PAXIP1: variants seen among roughly 807,000 people sequenced by gnomAD.
PAXIP1 encodes the protein PAX-interacting protein 1.
A neutral mutation model predicts 140.6 loss-of-function variants in PAXIP1; 19 were observed. The ratio of observed to expected loss-of-function variants is 0.14; its 90% CI spans 0.09 to 0.20. The LOEUF (loss-of-function observed/expected upper bound fraction) is 0.20. Among genes scored for constraint, PAXIP1 ranks in the 10% least tolerant of loss-of-function variants. The pLI, the probability that PAXIP1 is intolerant of heterozygous loss-of-function variation, is 1.00. For missense variants in PAXIP1, 920 were observed against 1,208.6 expected, an observed-to-expected ratio of 0.76 and a Z score of 3.54; for synonymous variants, 442 against 444.6, an observed-to-expected ratio of 0.99 and a Z score of 0.07.
At chr7:155,002,090 C>T (rs956476226) in intron 1 of PAXIP1, 1 of 152,240 alleles carries the variant, frequency 6.6e-6, no homozygotes. Flanking sequence ...AGATGCATTC[C>T]TACCACGGAC....
chr7:154,950,762 T>C (rs1180480729), intron 16 of PAXIP1: 1 of 152,106 alleles, frequency 6.6e-6, no homozygotes, highest in Non-Finnish European at 1.5e-5. Context: ...GCTGAACAGA[T>C]ACATTCTGAC....
intron 13 of PAXIP1, among the ~76,000 whole-genome samples, chr7:154,957,514 T>C (rs1218929721): frequency 6.6e-6 from 1 of 152,212 alleles, no homozygotes; most frequent in South Asian, 2.1e-4. Flanking sequence ...GTATCGTTTT[T>C]TTGTTCTTTT....
rs943288981 is a variant in PAXIP1, at chr7:154,956,047, G to C, written c.2550-416C>G. On this transcript the variant is annotated intron_variant, in intron 14 of 20. Transcript: ENST00000404141. The surrounding 1 kb of genome is among the most constrained non-coding windows in gnomAD (Gnocchi z 4.2). ...CCTTGTGTGACTCAGGCCATTCCTTGTTTGCACGTTCACCATCAATACAAG... is the reference window on the plus strand; with the variant it reads ...CCTTGTGTGACTCAGGCCATTCCTTCTTTGCACGTTCACCATCAATACAAG... Among the ~76,000 whole-genome samples the C allele has an allele frequency of 6.6e-6, 1 of 152,104 alleles. No homozygotes were observed. The highest frequency in any genetic ancestry group is 2.4e-5 in the African/African-American group (1 of 41,404).
intron 6 of PAXIP1, among the ~76,000 whole-genome samples, chr7:154,972,651 A>G (rs967408565): frequency 4.6e-5 from 7 of 152,244 alleles, no homozygotes; most frequent in African/African-American, 1.7e-4. Context: ...GTGAGAAAGT[A>G]GCCATTTCTC....
intron 9 of PAXIP1, 167 bp from the exon 10 acceptor site, chr7:154,962,625 G>C (rs1808804168): frequency 1.8e-6 from 1 of 543,768 alleles, no homozygotes; most frequent in African/African-American, 1.9e-5. Context: ...CGTGTAGCTG[G>C]TTACTTGAAA....
intron 2 of PAXIP1, among the ~76,000 whole-genome samples, chr7:154,994,290 G>A (rs1195097572): frequency 6.6e-6 from 1 of 151,664 alleles, no homozygotes; most frequent in African/African-American, 2.4e-5. Context: ...TACCTTTCTG[G>A]GTAATTTATA....
chr7:154,960,675 CAAAACA>C (rs373611065), intron 12 of PAXIP1, among the ~76,000 whole-genome samples: 55 of 151,758 alleles, frequency 3.6e-4, no homozygotes, highest in South Asian at 6.2e-4. Context: ...GACCCTGTCT[CAAAACA>C]AAAACAAAAA....
At chr7:154,982,405 G>A (rs1394955332) in intron 5 of PAXIP1, among the ~76,000 whole-genome samples, 8 of 141,626 alleles carry the variant, frequency 5.6e-5, no homozygotes, top group African/African-American at 1.8e-4. Context: ...AGACTGGAGT[G>A]CAGTGGTGTG....
chr7:154,992,103 G>A (rs1810357793), intron 3 of PAXIP1, among the ~76,000 whole-genome samples: 1 of 152,258 alleles, frequency 6.6e-6, no homozygotes, highest in Non-Finnish European at 1.5e-5. Context: ...TATTAATAAA[G>A]GCAAATCTCA....
At chr7:154,976,428 A>T in intron 5 of PAXIP1, 97 bp from the exon 6 acceptor site, 1 of 1,465,040 alleles carries the variant, frequency 6.8e-7, no homozygotes, top group Non-Finnish European at 9.1e-7. Context: ...CAAGGAATGC[A>T]GTTGAAATGT....
At chr7:155,002,001 C>T (rs1810924790) in intron 1 of PAXIP1, 2 of 152,222 alleles carry the variant, frequency 1.3e-5, no homozygotes, top group African/African-American at 4.8e-5. Context: ...TGATGTCACA[C>T]CCAAGGCAAC....
In PAXIP1 at chr7:154,956,998, ATAAT is replaced by A; in HGVS notation, c.2549+222_2549+225del. ...TTTACATGTTGGAAAGGGGCTTCTT[ATAAT>A]ATGCCACTTAAAGAAAAAGACTGAA... On this transcript the variant is annotated intron_variant, in intron 14 of 20. Coordinates refer to ENST00000404141, the MANE Select transcript of PAXIP1 (RefSeq NM_007349.4). This position sits in a 1 kb window ranked among gnomAD's most constrained non-coding sequence, Gnocchi z 4.2. The A allele has an allele frequency of 2.6e-6, 1 of 379,022 alleles. No individual in the cohort carries two copies. The highest frequency in any genetic ancestry group is 5.3e-5 in the South Asian group (1 of 18,990). The allele number at this position is 379,022 out of a possible 1,614,324, so 23.5% of individuals were successfully genotyped here.
At chr7:154,994,078 C>T (rs1160799107) in intron 2 of PAXIP1, among the ~76,000 whole-genome samples, 4 of 152,148 alleles carry the variant, frequency 2.6e-5, no homozygotes. Flanking sequence ...TGCCACCCAT[C>T]CTGCCCCACC....
Position 154,969,081 on chromosome 7 carries a change from C to T in PAXIP1, c.1120G>A (p.Val374Met), listed in dbSNP as rs747536491. 77 of 1,497,396 alleles carry T rather than the reference C, an allele frequency of 5.1e-5. No individual in the cohort carries two copies. The highest frequency in any genetic ancestry group is 6.6e-5 in the Non-Finnish European group (74 of 1,118,402). 92.8% of individuals were successfully genotyped at this position (1,497,396 alleles called of 1,614,324 possible). ...GTATGTCCCTGCTGGCTGTGATTCA[C>T]CTGCTGTTCTAAATTTTTCGTAGGT... ...SAPTKNLEQQ[V>M]NHSQQGHTNA... Residue 374 changes from valine to methionine, a missense_variant, in exon 7 of 21, where the codon GTG becomes ATG. Coordinates refer to ENST00000404141, the MANE Select transcript of PAXIP1 (RefSeq NM_007349.4).
At chr7:154,981,723 A>G (rs1202955050) in intron 5 of PAXIP1, among the ~76,000 whole-genome samples, 1 of 152,204 alleles carries the variant, frequency 6.6e-6, no homozygotes, top group East Asian at 1.9e-4. Context: ...GTTGGGATAA[A>G]TAAAGCTCAA....
chr7:154,974,057 C>A, intron 6 of PAXIP1: 1 of 152,634 alleles, frequency 6.6e-6, no homozygotes. Context: ...TTCAGTCAGC[C>A]TTGTTTTCTC....
chr7:154,997,406 C>A (rs1459119531), intron 2 of PAXIP1, among the ~76,000 whole-genome samples: 2 of 152,166 alleles, frequency 1.3e-5, no homozygotes, highest in East Asian at 3.9e-4. Context: ...GTGAGTCCCA[C>A]TGCACCAGGC....
In PAXIP1 at chr7:154,971,756, A is replaced by C. The variant is rs563843791; in HGVS notation, c.1075-2630T>G. ...TAGAAAGCAGTATGATACACATCAC[A>C]TGGCTTCTAACCACTATAAATTTGC... is the stretch of plus-strand genomic sequence containing the variant. On this transcript the variant is annotated intron_variant, in intron 6 of 20. Coordinates refer to ENST00000404141, the MANE Select transcript of PAXIP1 (RefSeq NM_007349.4). 2.6e-5 allele frequency among the ~76,000 whole-genome samples: 4 copies of C among 152,338 alleles called. No individual in the cohort carries two copies. The East Asian group carries it at 7.7e-4, about 29-fold the overall frequency.
Position 154,946,050 on chromosome 7 carries a change from CAT to C in PAXIP1, c.3194+313_3194+314del, listed in dbSNP as rs1235201957. ...TCAAAGGTGAGCTGATAAAAAGAAACATATATTTATTTTTGCAATTATTTTCT... is the reference window on the plus strand; with the variant it reads ...TCAAAGGTGAGCTGATAAAAAGAAACATATTTATTTTTGCAATTATTTTCT... On this transcript the variant is annotated intron_variant, in intron 20 of 20. Coordinates refer to ENST00000404141, the MANE Select transcript of PAXIP1 (RefSeq NM_007349.4). This position sits in a 1 kb window ranked among gnomAD's most constrained non-coding sequence, Gnocchi z 4.9. 8 of 979,778 alleles carry C rather than the reference CAT, an allele frequency of 8.2e-6. No individual in the cohort carries two copies. The highest frequency in any genetic ancestry group is 9.7e-6 in the Non-Finnish European group (8 of 824,980). 60.7% of individuals were successfully genotyped at this position (979,778 alleles called of 1,614,324 possible).
Sources: allele counts gnomAD v4.1 joint callset (sites outside exome capture counted in the v4.1 genomes callset), GRCh38; gene constraint gnomAD v4.1.1; non-coding constraint Gnocchi (gnomAD v3.1); transcripts MANE v1.5; gene names NCBI Gene and HGNC (gene_info 2026-07-23, HGNC 2026-07-21).